The following ATL1 variants were observed in gnomAD, a reference collection of about 807,000 sequenced individuals.
The protein encoded by ATL1 is atlastin-1.
In ATL1, 31 loss-of-function variants were observed where a neutral mutation model predicts 75.5. That is an observed-to-expected ratio of 0.41 (90% CI 0.31 to 0.55). ATL1 has a LOEUF of 0.55. Among genes scored for constraint, ATL1 ranks in the 20% least tolerant of loss-of-function variants. The probability of loss-of-function intolerance (pLI) is 0.27; values close to 1 mark genes in which losing one functional copy is unlikely to be tolerated. For synonymous variants in ATL1, 226 were observed against 233.3 expected, an observed-to-expected ratio of 0.97 and a Z score of 0.28; for missense variants, 405 against 662.6, an observed-to-expected ratio of 0.61 and a Z score of 4.27.
intron 11 of ATL1, among the ~76,000 whole-genome samples, chr14:50,625,256 TGAAA>T (rs1240097190): frequency 6.6e-6 from 1 of 152,158 alleles, no homozygotes; most frequent in African/African-American, 2.4e-5. Context: ...CTATGAATGC[TGAAA>T]GAGTTGGTAA....
intron 12 of ATL1, among the ~76,000 whole-genome samples, chr14:50,628,906 C>G (rs567309773): frequency 2.0e-5 from 3 of 151,974 alleles, no homozygotes; most frequent in Non-Finnish European, 4.4e-5. Flanking sequence ...TTTGTAGAAA[C>G]GGGGTTTCAC....
chr14:50,592,975 A>T (rs1175923859), intron 4 of ATL1, among the ~76,000 whole-genome samples: 1 of 148,984 alleles, frequency 6.7e-6, no homozygotes, highest in South Asian at 2.1e-4. Context: ...TAAATTATAT[A>T]TATATGTGTG....
chr14:50,598,683 A>C (rs2039244342), intron 6 of ATL1, among the ~76,000 whole-genome samples: 1 of 152,106 alleles, frequency 6.6e-6, no homozygotes, highest in Non-Finnish European at 1.5e-5. Flanking sequence ...TTTTAAGAAG[A>C]CGATCTGAAT....
At chr14:50,563,219 C>CT (rs1317213211) in intron 1 of ATL1, among the ~76,000 whole-genome samples, 1 of 152,168 alleles carries the variant, frequency 6.6e-6, no homozygotes, top group Admixed American at 6.5e-5. Flanking sequence ...GATGAAAAAA[C>CT]TAACTCAGAG....
chr14:50,577,310 G>A (rs771895999), intron 1 of ATL1, among the ~76,000 whole-genome samples: 15 of 152,096 alleles, frequency 9.9e-5, no homozygotes, highest in African/African-American at 1.4e-4. Context: ...GATCTGCCCC[G>A]CCTTGGCCTC....
intron 1 of ATL1, among the ~76,000 whole-genome samples, chr14:50,583,508 T>C (rs1239201895): frequency 2.0e-5 from 3 of 152,132 alleles, no homozygotes; most frequent in Non-Finnish European, 4.4e-5. Context: ...TGGGACTAAA[T>C]GTAATAAACC....
At chr14:50,623,808 T>C (rs988125108) in intron 11 of ATL1, among the ~76,000 whole-genome samples, 1 of 152,150 alleles carries the variant, frequency 6.6e-6, no homozygotes, top group African/African-American at 2.4e-5. Context: ...CCCAGCACTT[T>C]GGGAGGCCGA....
chr14:50,557,400 A>T (rs1395386519), upstream of ATL1, among the ~76,000 whole-genome samples: 1 of 152,194 alleles, frequency 6.6e-6, no homozygotes, highest in African/African-American at 2.4e-5. Context: ...TTCACAGATG[A>T]ATGGATACTT....
intron 1 of ATL1, among the ~76,000 whole-genome samples, chr14:50,561,895 G>T (rs1347671972): frequency 6.6e-6 from 1 of 152,068 alleles, no homozygotes; most frequent in East Asian, 1.9e-4. Context: ...CACAATTAGG[G>T]TGCGTATATT....
At chr14:50,536,185 CTGTAA>C (rs1372837728) in intron 1 of ATL1, among the ~76,000 whole-genome samples, 1 of 152,240 alleles carries the variant, frequency 6.6e-6, no homozygotes, top group Non-Finnish European at 1.5e-5. Flanking sequence ...TGGCCCATGC[CTGTAA>C]TCCCAGCACT....
At chr14:50,624,127 G>T (rs1412831723) in intron 11 of ATL1, among the ~76,000 whole-genome samples, 2 of 151,864 alleles carry the variant, frequency 1.3e-5, no homozygotes, top group Non-Finnish European at 2.9e-5. Flanking sequence ...TGTAGTATAT[G>T]GAGTGGCATT....
intron 1 of ATL1, among the ~76,000 whole-genome samples, chr14:50,564,081 T>C (rs924075262): frequency 6.6e-6 from 1 of 152,102 alleles, no homozygotes; most frequent in Non-Finnish European, 1.5e-5. Context: ...AAGAAATCAA[T>C]GCTGTATAAA....
At chr14:50,589,111 A>T (rs2039129666) in intron 2 of ATL1, among the ~76,000 whole-genome samples, 1 of 151,466 alleles carries the variant, frequency 6.6e-6, no homozygotes, top group African/African-American at 2.4e-5. Context: ...GAGCATCATT[A>T]CATGGTGATA....
intron 5 of ATL1, among the ~76,000 whole-genome samples, chr14:50,595,242 TC>T (rs1398916836): frequency 6.6e-6 from 1 of 151,978 alleles, no homozygotes; most frequent in African/African-American, 2.4e-5. Flanking sequence ...TTCTGTTTTG[TC>T]CCCCACAAAA....
chr14:50,613,420 T>C (rs907513608), intron 7 of ATL1, 69 bp downstream of exon 7: 1 of 1,208,070 alleles, frequency 8.3e-7, no homozygotes, highest in Admixed American at 1.8e-5. Flanking sequence ...GATCATTTGG[T>C]GAATAGATAC....
chr14:50,621,961 C>CA, intron 10 of ATL1, 62 bp downstream of exon 10: 1 of 1,084,588 alleles, frequency 9.2e-7, no homozygotes, highest in Non-Finnish European at 1.4e-6. Context: ...TTCTGGCTGT[C>CA]AGAAATAACC....
intron 4 of ATL1, among the ~76,000 whole-genome samples, chr14:50,592,039 A>G (rs1015018878): frequency 6.6e-6 from 1 of 152,230 alleles, no homozygotes; most frequent in African/African-American, 2.4e-5. Flanking sequence ...ACATTTCTAA[A>G]TGTAAAAACA....
In ATL1 at chr14:50,620,617, T is replaced by C. The variant is rs1239501408; in HGVS notation, c.881T>C (p.Ile294Thr). 1 of 1,613,094 alleles carries C rather than the reference T, an allele frequency of 6.2e-7. No individual in the cohort carries two copies. The highest frequency in any genetic ancestry group is 2.2e-5 in the East Asian group (1 of 44,850). The change falls in exon 9 of 14, where the codon ATC (isoleucine) becomes ACC (threonine). Residue 294 changes from isoleucine (I) to threonine (T), a missense_variant. By Grantham distance (89) the Ile-to-Thr change is moderately conservative. Coordinates refer to ENST00000358385, the MANE Select transcript of ATL1 (RefSeq NM_015915.5). Reference protein sequence around the residue: ...GKLKEIDDEFIKNLKILIPWL... With the variant: ...GKLKEIDDEFTKNLKILIPWL... ...CTTGTAGAAATAGATGATGAATTCA[T>C]CAAAAACTTGAAAATACTGATTCCT...
chr14:50,561,917 T>C (rs1018572944), intron 1 of ATL1, among the ~76,000 whole-genome samples: 9 of 152,242 alleles, frequency 5.9e-5, no homozygotes, highest in Non-Finnish European at 1.2e-4. Context: ...AAGTCACTTT[T>C]GGTCTCAGTC....
Sources: allele counts gnomAD v4.1 joint callset (sites outside exome capture counted in the v4.1 genomes callset), GRCh38; gene constraint gnomAD v4.1.1; transcripts MANE v1.5; gene names NCBI Gene and HGNC (gene_info 2026-07-23, HGNC 2026-07-21).